Variants in GPC5 observed in about 807,000 individuals in gnomAD.
GPC5 encodes glypican-5.
Under a neutral mutation model 53.9 loss-of-function variants are expected in GPC5, and 47 were observed. The observed-to-expected ratio is 0.87, with a 90% CI of 0.69 to 1.11. GPC5 has a LOEUF of 1.11. Ranked by LOEUF, GPC5 falls within the 50% of genes most tolerant of loss-of-function variation. The probability of loss-of-function intolerance (pLI) is 0.00; values close to 1 mark genes in which losing one functional copy is unlikely to be tolerated. For synonymous variants in GPC5, 286 were observed against 263.3 expected, an observed-to-expected ratio of 1.09 and a Z score of -0.84; for missense variants, 748 against 713.1, an observed-to-expected ratio of 1.05 and a Z score of -0.56.
intron 7 of GPC5, among the ~76,000 whole-genome samples, chr13:92,432,866 A>G (rs1024708781): frequency 6.6e-6 from 1 of 152,086 alleles, no homozygotes; most frequent in East Asian, 1.9e-4. Flanking sequence ...TTGTATGTGT[A>G]GGACTTAGAA....
intron 7 of GPC5, among the ~76,000 whole-genome samples, chr13:92,853,351 A>G (rs1268305127): frequency 6.6e-6 from 1 of 152,174 alleles, no homozygotes. Flanking sequence ...ATGATGATTT[A>G]TTGTGGTTAA....
At chr13:92,460,251 A>T (rs1406872428) in intron 7 of GPC5, among the ~76,000 whole-genome samples, 1 of 152,188 alleles carries the variant, frequency 6.6e-6, no homozygotes, top group East Asian at 1.9e-4. Flanking sequence ...TTTTTATTAC[A>T]GTGTTGTTAA....
At chr13:91,851,438 C>A (rs1464893298) in intron 5 of GPC5, among the ~76,000 whole-genome samples, 1 of 152,046 alleles carries the variant, frequency 6.6e-6, no homozygotes, top group Non-Finnish European at 1.5e-5. Flanking sequence ...CATTACTGTA[C>A]ACTACTGTAG....
chr13:92,144,645 G>A (rs1263530015), intron 6 of GPC5, among the ~76,000 whole-genome samples, 185 bp from the exon 7 acceptor site: 2 of 152,174 alleles, frequency 1.3e-5, no homozygotes, highest in African/African-American at 4.8e-5. Context: ...CTCTTTATAG[G>A]TGTAAGACTT....
At chr13:91,694,018 A>C (rs1460702764) in intron 3 of GPC5, 137 bp downstream of exon 3, 1 of 727,138 alleles carries the variant, frequency 1.4e-6, no homozygotes, top group Non-Finnish European at 2.2e-6. Context: ...TCTTATGATA[A>C]AATTTTGATT....
At chr13:92,768,650 C>A (rs1875500730) in intron 7 of GPC5, among the ~76,000 whole-genome samples, 1 of 152,042 alleles carries the variant, frequency 6.6e-6, no homozygotes, top group African/African-American at 2.4e-5. Context: ...TCCACTCCTT[C>A]CTTTCTGTTA....
At chr13:91,547,753 A>G (rs1267425523) in intron 2 of GPC5, among the ~76,000 whole-genome samples, 2 of 152,128 alleles carry the variant, frequency 1.3e-5, no homozygotes, top group East Asian at 3.8e-4. Flanking sequence ...ATTGAATCCA[A>G]CAATATATAA....
chr13:92,160,780 T>C lies in GPC5; in HGVS notation c.1561+15791T>C, dbSNP rs906103704. 5.9e-5 allele frequency among the ~76,000 whole-genome samples: 9 copies of C among 152,242 alleles called. No homozygotes were observed. The South Asian group carries it at 1.0e-3, about 18-fold the overall frequency. ...GCAAGGCAATTAATTCATAAATGAA[T>C]AATAAAAAGCAAATGGGACTGACAA... On this transcript the variant is annotated intron_variant, in intron 7 of 7. Transcript: ENST00000377067.
intron 7 of GPC5, among the ~76,000 whole-genome samples, chr13:92,815,727 T>C (rs1162130213): frequency 1.3e-5 from 2 of 151,810 alleles, no homozygotes; most frequent in East Asian, 3.9e-4. Context: ...GGTGTGGGAA[T>C]AGTGGTATGG....
intron 3 of GPC5, among the ~76,000 whole-genome samples, chr13:91,716,790 G>C (rs440323): frequency 0.039 from 5,998 of 152,276 alleles, 159 homozygotes; most frequent in Middle Eastern, 0.12. Context: ...CAGAAGGAAG[G>C]CATGATATTA....
intron 6 of GPC5, among the ~76,000 whole-genome samples, chr13:92,112,728 A>C (rs1024830533): frequency 6.6e-6 from 1 of 152,116 alleles, no homozygotes; most frequent in Non-Finnish European, 1.5e-5. Flanking sequence ...GTCCATGTGC[A>C]TGTATGTACA....
chr13:91,907,084 G>T (rs998188578), intron 5 of GPC5, among the ~76,000 whole-genome samples: 3 of 67,858 alleles, frequency 4.4e-5, no homozygotes, highest in African/African-American at 2.3e-4. Flanking sequence ...TAAGTGATGT[G>T]CCATATATAT....
At chr13:92,473,976 G>T (rs1436813150) in intron 7 of GPC5, among the ~76,000 whole-genome samples, 1 of 152,092 alleles carries the variant, frequency 6.6e-6, no homozygotes, top group East Asian at 1.9e-4. Context: ...AATATCAGGA[G>T]ATCATTGACA....
intron 2 of GPC5, among the ~76,000 whole-genome samples, chr13:91,661,284 G>C (rs2034981478): frequency 6.6e-6 from 1 of 152,320 alleles, no homozygotes; most frequent in South Asian, 2.1e-4. Flanking sequence ...TATTTGAGCA[G>C]AATATCTGGG....
intron 3 of GPC5, among the ~76,000 whole-genome samples, chr13:91,721,133 CTTT>C (rs2036462788): frequency 1.4e-5 from 1 of 70,508 alleles, no homozygotes; most frequent in Non-Finnish European, 2.7e-5. Flanking sequence ...TTCTTTCTTT[CTTT>C]CTTTTTTTGG....
chr13:92,210,055 T>A (rs111572377), intron 7 of GPC5, among the ~76,000 whole-genome samples: 1 of 152,026 alleles, frequency 6.6e-6, no homozygotes, highest in Non-Finnish European at 1.5e-5. Flanking sequence ...GATTAGATTG[T>A]GCCCACCCAG....
intron 5 of GPC5, among the ~76,000 whole-genome samples, chr13:91,884,000 T>G (rs1271381134): frequency 6.6e-6 from 1 of 151,982 alleles, no homozygotes; most frequent in Non-Finnish European, 1.5e-5. Context: ...ATGAAAAAAA[T>G]GCTCAATATC....
chr13:92,752,723 G>A (rs576925896), intron 7 of GPC5, among the ~76,000 whole-genome samples: 524 of 152,264 alleles, frequency 3.4e-3, no homozygotes, highest in Non-Finnish European at 5.4e-3. Context: ...AAAGAAAGGG[G>A]TGACGGAGGG....
intron 7 of GPC5, among the ~76,000 whole-genome samples, chr13:92,209,285 G>A (rs2139072193): frequency 6.6e-6 from 1 of 152,172 alleles, no homozygotes; most frequent in African/African-American, 2.4e-5. Context: ...TACTAATTAG[G>A]ATGTTCATAA....
Sources: gnomAD v4.1 joint callset for allele counts (sites outside exome capture counted in the v4.1 genomes callset) on GRCh38, gnomAD v4.1.1 for gene constraint, MANE v1.5 for transcripts, NCBI Gene and HGNC (gene_info 2026-07-23, HGNC 2026-07-21) for gene names.